Variants in PRR16 observed in about 807,000 individuals in gnomAD.
PRR16 encodes proline rich 16.
In PRR16, 6 loss-of-function variants were observed where a neutral mutation model predicts 18.2. The ratio of observed to expected loss-of-function variants is 0.33; its 90% CI spans 0.18 to 0.65. The LOEUF is 0.65. PRR16 is among the 30% of genes least tolerant of loss of function. PRR16 has a pLI of 0.74. For missense variants in PRR16, 412 were observed against 376.6 expected (o/e 1.09, Z -0.78); for synonymous variants, 151 against 147.8 (o/e 1.02, Z -0.16).
At chr5:120,559,984 T>G (rs1752526734) in intron 1 of PRR16, among the ~76,000 whole-genome samples, 1 of 152,030 alleles carries the variant, frequency 6.6e-6, no homozygotes, top group African/African-American at 2.4e-5. Context: ...TATGTTGATT[T>G]TGTATCTTGT....
intron 1 of PRR16, among the ~76,000 whole-genome samples, chr5:120,526,597 A>G (rs983980266): frequency 6.6e-6 from 1 of 152,184 alleles, no homozygotes; most frequent in African/African-American, 2.4e-5. Context: ...CCACTGCCAC[A>G]TGTATCAACT....
intron 1 of PRR16, among the ~76,000 whole-genome samples, chr5:120,685,515 C>A (rs770243193): frequency 2.2e-4 from 33 of 151,986 alleles, no homozygotes; most frequent in Admixed American, 7.2e-4. Flanking sequence ...GAGGTCAAGT[C>A]TCTGTTGGTC....
intron 1 of PRR16, among the ~76,000 whole-genome samples, chr5:120,665,688 T>C (rs1375909157): frequency 6.6e-6 from 1 of 152,168 alleles, no homozygotes; most frequent in Non-Finnish European, 1.5e-5. Context: ...CTAGCCAGTT[T>C]TCCCAGCACC....
chr5:120,735,138 C>T, the PRR16 span, among the ~76,000 whole-genome samples: 3 of 152,250 alleles, frequency 2.0e-5, no homozygotes, highest in Non-Finnish European at 2.9e-5. Flanking sequence ...TGGCTTATTT[C>T]GCTTAGCAAG....
chr5:120,754,483 A>C, the PRR16 span, among the ~76,000 whole-genome samples: 2 of 73,792 alleles, frequency 2.7e-5, 1 homozygote, highest in Non-Finnish European at 4.7e-5. Context: ...ATATTATATA[A>C]TATATAGTAT....
chr5:120,793,544 GAA>G, the PRR16 span, among the ~76,000 whole-genome samples: 1 of 151,950 alleles, frequency 6.6e-6, no homozygotes, highest in Non-Finnish European at 1.5e-5. Context: ...TGTGCAAAGA[GAA>G]AAAAGAGAGT....
intron 1 of PRR16, among the ~76,000 whole-genome samples, chr5:120,628,695 C>T (rs564342004): frequency 1.1e-3 from 154 of 144,704 alleles, no homozygotes; most frequent in South Asian, 5.3e-3. Context: ...ATCATTCTAC[C>T]ATCTATCTAT....
chr5:120,465,939 C>G (rs890929952), intron 1 of PRR16, among the ~76,000 whole-genome samples: 1 of 152,118 alleles, frequency 6.6e-6, no homozygotes, highest in Non-Finnish European at 1.5e-5. Context: ...CGTCTTCCTC[C>G]CCTTCCCCCG....
chr5:120,613,239 G>T (rs961693868), intron 1 of PRR16, among the ~76,000 whole-genome samples: 25 of 151,940 alleles, frequency 1.6e-4, no homozygotes, highest in Admixed American at 1.5e-3. Flanking sequence ...CTGATTTTCT[G>T]AATATTCATA....
chr5:120,754,304 A>T, the PRR16 span, among the ~76,000 whole-genome samples: 6 of 97,090 alleles, frequency 6.2e-5, no homozygotes, highest in African/African-American at 2.6e-4. Flanking sequence ...TATAATATAT[A>T]ATATATAACA....
chr5:120,785,760 CG>C, the PRR16 span, among the ~76,000 whole-genome samples: 2 of 150,684 alleles, frequency 1.3e-5, no homozygotes, highest in Non-Finnish European at 3.0e-5. Flanking sequence ...TTAGTAGAGG[CG>C]GGGTTTCACC....
intron 1 of PRR16, among the ~76,000 whole-genome samples, chr5:120,546,603 C>G (rs1450380344): frequency 6.6e-6 from 1 of 152,106 alleles, no homozygotes; most frequent in African/African-American, 2.4e-5. Context: ...GATTTGTCAA[C>G]TAACACTGCT....
At chr5:120,570,866 T>C (rs1379552037) in intron 1 of PRR16, among the ~76,000 whole-genome samples, 1 of 152,064 alleles carries the variant, frequency 6.6e-6, no homozygotes, top group African/African-American at 2.4e-5. Flanking sequence ...TTCTTAAAGT[T>C]CTTAAAGAAG....
Position 120,566,746 on chromosome 5 carries a change from C to A in PRR16, c.159+102101C>A, listed in dbSNP as rs546087949. Reference sequence around the variant, plus strand: ...ACTTTACAGTAAGATTCTTTTCTCTCAATGTCCATGCTTGTCACTCTTTCA... The same window carrying A: ...ACTTTACAGTAAGATTCTTTTCTCTAAATGTCCATGCTTGTCACTCTTTCA... On this transcript the variant is annotated intron_variant, in intron 1 of 1. Transcript: ENST00000407149. 4.9e-4 allele frequency among the ~76,000 whole-genome samples: 74 copies of A among 152,156 alleles called. 1 individual carries two copies. Among genetic ancestry groups the A allele is most frequent in the Admixed American group, 1.5e-3 (23 of 15,274 alleles).
intron 1 of PRR16, among the ~76,000 whole-genome samples, chr5:120,655,469 C>T (rs1755937460): frequency 6.8e-6 from 1 of 147,924 alleles, no homozygotes; most frequent in African/African-American, 2.5e-5. Context: ...TTATTATAGA[C>T]ATATATAGAA....
At chr5:120,659,638 A>G (rs1008258575) in intron 1 of PRR16, among the ~76,000 whole-genome samples, 4 of 152,032 alleles carry the variant, frequency 2.6e-5, no homozygotes, top group African/African-American at 9.7e-5. Flanking sequence ...AATCCTTTCA[A>G]CATAGCTTTT....
At chr5:120,554,756 T>C (rs1752358445) in intron 1 of PRR16, among the ~76,000 whole-genome samples, 1 of 151,918 alleles carries the variant, frequency 6.6e-6, no homozygotes, top group Admixed American at 6.6e-5. Flanking sequence ...CCCAGTTTAA[T>C]AGGACAATAA....
At chr5:120,776,098 T>A in the PRR16 span, among the ~76,000 whole-genome samples, 2 of 152,142 alleles carry the variant, frequency 1.3e-5, no homozygotes, top group South Asian at 4.1e-4. Context: ...TGTCTCTCAC[T>A]GTTGCTGCTC....
At chr5:120,672,238 C>CTGTGTGTGTGTG (rs3048020) in intron 1 of PRR16, among the ~76,000 whole-genome samples, 49 of 135,114 alleles carry the variant, frequency 3.6e-4, no homozygotes, top group Middle Eastern at 4.2e-3. Flanking sequence ...GGTGAGGGGT[C>CTGTGTGTGTGTG]TGTGTGTGTG....
Sources: gnomAD v4.1 joint callset for allele counts (sites outside exome capture counted in the v4.1 genomes callset) on GRCh38, gnomAD v4.1.1 for gene constraint, MANE v1.5 for transcripts, NCBI Gene and HGNC (gene_info 2026-07-23, HGNC 2026-07-21) for gene names.